The following CNTN3 variants were observed in gnomAD, a reference collection of about 807,000 sequenced individuals.
CNTN3 encodes contactin 3.
A neutral mutation model predicts 119.1 loss-of-function variants in CNTN3; 60 were observed. The observed-to-expected ratio is 0.50, with a 90% CI of 0.41 to 0.62. The LOEUF (loss-of-function observed/expected upper bound fraction) is 0.62. Ranked by LOEUF, CNTN3 falls within the 20% of genes least tolerant of loss-of-function variation. CNTN3 has a pLI of 0.00. For synonymous variants in CNTN3, 450 were observed against 438.7 expected, an observed-to-expected ratio of 1.03 and a Z score of -0.32; for missense variants, 1,101 against 1,242.4, an observed-to-expected ratio of 0.89 and a Z score of 1.71.
chr3:74,369,395 T>C (rs776481699), intron 7 of CNTN3, 22 bp from the exon 8 acceptor site: 2 of 1,539,562 alleles, frequency 1.3e-6, no homozygotes, highest in Non-Finnish European at 1.8e-6. Context: ...ATCGTCAAGT[T>C]GTCTGCTATT....
At chr3:74,414,877 C>CTTTTTTTTT (rs71129747) in intron 5 of CNTN3, among the ~76,000 whole-genome samples, 3 of 117,120 alleles carry the variant, frequency 2.6e-5, no homozygotes, top group Admixed American at 9.1e-5. Flanking sequence ...TTCCTATAGT[C>CTTTTTTTTT]TTTTTTTTTT....
chr3:74,299,775 A>T, intron 17 of CNTN3, 93 bp downstream of exon 17: 1 of 960,170 alleles, frequency 1.0e-6, no homozygotes, highest in Non-Finnish European at 1.6e-6. Context: ...CACTACCACC[A>T]CCACCTGCAC....
At chr3:74,354,346 T>TA (rs1301827505) in intron 11 of CNTN3, among the ~76,000 whole-genome samples, 4 of 152,052 alleles carry the variant, frequency 2.6e-5, no homozygotes, top group Non-Finnish European at 5.9e-5. Flanking sequence ...GGATCCCATT[T>TA]AAAAAAATAA....
At chr3:74,268,319 A>G (rs548021142) in intron 20 of CNTN3, among the ~76,000 whole-genome samples, 1 of 152,202 alleles carries the variant, frequency 6.6e-6, no homozygotes, top group Non-Finnish European at 1.5e-5. Context: ...TATTCATTCA[A>G]CAACAGCATC....
intron 20 of CNTN3, among the ~76,000 whole-genome samples, chr3:74,277,740 C>T (rs944004352): frequency 1.3e-5 from 2 of 152,050 alleles, no homozygotes; most frequent in Admixed American, 6.6e-5. Flanking sequence ...CACTCCTCTT[C>T]AACTTAGTAC....
intron 4 of CNTN3, among the ~76,000 whole-genome samples, chr3:74,433,017 G>A (rs1220632298): frequency 2.0e-5 from 3 of 152,138 alleles, no homozygotes; most frequent in African/African-American, 7.2e-5. Flanking sequence ...ATAGTTTATG[G>A]GGGGTGATCT....
chr3:74,265,344 A>T (rs991367137), intron 22 of CNTN3, among the ~76,000 whole-genome samples: 1 of 152,138 alleles, frequency 6.6e-6, no homozygotes, highest in Non-Finnish European at 1.5e-5. Context: ...TTTCTTTTAA[A>T]ATTGCCACTT....
chr3:74,335,667 G>T (rs1246939195), intron 12 of CNTN3, among the ~76,000 whole-genome samples: 1 of 152,114 alleles, frequency 6.6e-6, no homozygotes, highest in East Asian at 1.9e-4. Context: ...CCTCACCAAG[G>T]TCCTCATAAC....
intron 1 of CNTN3, among the ~76,000 whole-genome samples, chr3:74,528,387 T>C (rs1703649591): frequency 6.6e-6 from 1 of 151,950 alleles, no homozygotes; most frequent in African/African-American, 2.4e-5. Flanking sequence ...AATGTAATAA[T>C]ACTAACTTTT....
In CNTN3 at chr3:74,546,557, A is replaced by C. The variant is rs1035554040; in HGVS notation, c.-80-25365T>G. ...AGACTGGCTAAGTCTTCAGGCCTACATCTTTTTCCTGTGCTGGATCCTTCC... is the reference window on the plus strand; with the variant it reads ...AGACTGGCTAAGTCTTCAGGCCTACCTCTTTTTCCTGTGCTGGATCCTTCC... On this transcript the variant is annotated intron_variant, in intron 1 of 22. Coordinates refer to ENST00000263665, the MANE Select transcript of CNTN3 (RefSeq NM_020872.3). Among the ~76,000 whole-genome samples, 3 of 152,164 alleles carry C rather than the reference A, an allele frequency of 2.0e-5. No individual in the cohort carries two copies. The East Asian group carries it at 5.8e-4, about 29-fold the overall frequency.
chr3:74,357,632 T>C (rs1414350810), intron 11 of CNTN3, among the ~76,000 whole-genome samples: 1 of 152,182 alleles, frequency 6.6e-6, no homozygotes, highest in Non-Finnish European at 1.5e-5. Context: ...GATTGTTTTC[T>C]GATTTAGACC....
At chr3:74,320,604 C>T (rs547569956) in intron 13 of CNTN3, among the ~76,000 whole-genome samples, 1 of 152,098 alleles carries the variant, frequency 6.6e-6, no homozygotes, top group Admixed American at 6.6e-5. Context: ...ACCAACATGG[C>T]ACATGCCCTA....
intron 22 of CNTN3, among the ~76,000 whole-genome samples, chr3:74,265,825 G>T (rs1701652146): frequency 6.6e-6 from 1 of 152,134 alleles, no homozygotes; most frequent in Non-Finnish European, 1.5e-5. Flanking sequence ...CTCTACAATA[G>T]TTAAACTGAG....
chr3:74,593,854 A>G (rs935517385), intron 1 of CNTN3, among the ~76,000 whole-genome samples: 2 of 151,966 alleles, frequency 1.3e-5, no homozygotes, highest in African/African-American at 2.4e-5. Context: ...GAAAAGAAAT[A>G]TTAAATATAT....
intron 1 of CNTN3, among the ~76,000 whole-genome samples, chr3:74,564,530 A>C (rs1025135159): frequency 1.3e-5 from 2 of 151,070 alleles, no homozygotes; most frequent in Non-Finnish European, 2.9e-5. Context: ...CCAGTTACAG[A>C]GCTGTTTCAA....
chr3:74,421,293 C>A (rs929061762), intron 5 of CNTN3, among the ~76,000 whole-genome samples: 2 of 152,002 alleles, frequency 1.3e-5, no homozygotes, highest in East Asian at 3.9e-4. Flanking sequence ...CTCAGCCTCC[C>A]GAGTAGCTGG....
chr3:74,347,241 A>G (rs1446093405), intron 11 of CNTN3, among the ~76,000 whole-genome samples: 2 of 152,184 alleles, frequency 1.3e-5, no homozygotes, highest in Non-Finnish European at 2.9e-5. Flanking sequence ...CTCAGCTGCC[A>G]CTACTGTGAC....
intron 4 of CNTN3, among the ~76,000 whole-genome samples, chr3:74,444,186 T>A (rs762932625): frequency 6.6e-6 from 1 of 152,088 alleles, no homozygotes; most frequent in Non-Finnish European, 1.5e-5. Context: ...CCCACTCTAG[T>A]ATGGCTCATC....
rs1166618051 is a variant in CNTN3, at chr3:74,301,860, TC to T, written c.1787-56del. Reference sequence around the variant, plus strand: ...TAGCAGTTCCATAAATGTCATCCTCTCCTATCAAAGAGAAGAGAATGTCACA... The same window carrying T: ...TAGCAGTTCCATAAATGTCATCCTCTCTATCAAAGAGAAGAGAATGTCACA... On this transcript the variant is annotated intron_variant, in intron 14 of 22. Transcript: ENST00000263665. The T allele has an allele frequency of 5.7e-6, 9 of 1,571,842 alleles. No individual in the cohort carries two copies. In the African/African-American group the frequency reaches 1.1e-4, roughly 19 times the overall value.
Sources: allele counts gnomAD v4.1 joint callset (sites outside exome capture counted in the v4.1 genomes callset), GRCh38; gene constraint gnomAD v4.1.1; transcripts MANE v1.5; gene names NCBI Gene and HGNC (gene_info 2026-07-23, HGNC 2026-07-21).